The following FASTKD1 variants were observed in gnomAD, a reference collection of about 807,000 sequenced individuals.
The protein encoded by FASTKD1 is FAST kinase domains 1, also known as FAST kinase domain-containing protein 1, mitochondrial.
A neutral mutation model predicts 90.9 loss-of-function variants in FASTKD1; 94 were observed. The observed-to-expected ratio is 1.03, with a 90% confidence interval of 0.88 to 1.23. The LOEUF is 1.23. Ranked by LOEUF, FASTKD1 falls within the 50% of genes most tolerant of loss-of-function variation. The pLI is 0.00. For missense variants in FASTKD1, 945 were observed against 993.5 expected, an observed-to-expected ratio of 0.95 and a Z score of 0.66; for synonymous variants, 319 against 345.8, an observed-to-expected ratio of 0.92 and a Z score of 0.86.
In FASTKD1 at chr2:169,529,529, A is replaced by G. The variant is rs528994726; in HGVS notation, c.*296T>C. On this transcript the variant is annotated 3_prime_UTR_variant, in exon 15 of 15. Coordinates refer to ENST00000453153, the MANE Select transcript of FASTKD1 (RefSeq NM_024622.6). ...CTCAACAAGGTAGCCAAAGTAACGC[A>G]GTTAAAATGTGAATTCATATCATTC... 1.3e-5 allele frequency among the ~76,000 whole-genome samples: 2 copies of G among 152,330 alleles called. No individual in the cohort carries two copies. Among genetic ancestry groups the G allele is most frequent in the South Asian group, 4.1e-4 (2 of 4,824 alleles).
In FASTKD1 at chr2:169,561,978, CATTA is replaced by C. The variant is rs1559157244; in HGVS notation, c.573-1197_573-1194del. On this transcript the variant is annotated intron_variant, in intron 4 of 14. Coordinates refer to ENST00000453153, the MANE Select transcript of FASTKD1 (RefSeq NM_024622.6). ...ATTAATTTATTGTAAATTAATTATT[CATTA>C]ATTTATTGTAAATTAATTATTCATT... Among the ~76,000 whole-genome samples the C allele has an allele frequency of 2.7e-5, 2 of 73,306 alleles. 1 individual carries two copies. Among genetic ancestry groups the C allele is most frequent in the African/African-American group, 9.9e-5 (2 of 20,212 alleles). 48.1% of individuals were successfully genotyped at this position (73,306 alleles called of 152,430 possible). A position where few individuals can be genotyped will look rare whatever the true frequency, so the allele number is the denominator to read the frequency against.
chr2:169,542,428 AG>A (rs751987409), intron 9 of FASTKD1, among the ~76,000 whole-genome samples: 1 of 152,268 alleles, frequency 6.6e-6, no homozygotes, highest in South Asian at 2.1e-4. Flanking sequence ...AACACAACTC[AG>A]GACCCAAAAT....
chr2:169,572,144 A>G lies in FASTKD1; in HGVS notation c.-115T>C, dbSNP rs1684263427. 1 of 1,249,776 alleles carries G rather than the reference A, an allele frequency of 8.0e-7. No individual in the cohort carries two copies. The allele number at this position is 1,249,776 out of a possible 1,614,324, so 77.4% of individuals were successfully genotyped here. A position where few individuals can be genotyped will look rare whatever the true frequency, so the allele number is the denominator to read the frequency against. ...CATGTATTTTGCTTCCATTACAATG[A>G]CTGTAAACGCATTCCAATGTACAGC... On this transcript the variant is annotated 5_prime_UTR_variant, in exon 2 of 15. Coordinates refer to ENST00000453153, the MANE Select transcript of FASTKD1 (RefSeq NM_024622.6).
chr2:169,553,104 G>A (rs958539156), intron 7 of FASTKD1, among the ~76,000 whole-genome samples: 1 of 151,924 alleles, frequency 6.6e-6, no homozygotes, highest in Non-Finnish European at 1.5e-5. Flanking sequence ...CTACTTGGGA[G>A]GCTGACAGGA....
At chr2:169,540,410 C>T (rs1223284221) in intron 9 of FASTKD1, among the ~76,000 whole-genome samples, 5 of 152,132 alleles carry the variant, frequency 3.3e-5, no homozygotes, top group African/African-American at 1.2e-4. Flanking sequence ...GTGTCTTGAT[C>T]TCAGTACTGA....
At chr2:169,541,544 CTG>C (rs1364241459) in intron 9 of FASTKD1, among the ~76,000 whole-genome samples, 1 of 152,142 alleles carries the variant, frequency 6.6e-6, no homozygotes, top group African/African-American at 2.4e-5. Flanking sequence ...ACGTTGTAGG[CTG>C]TGACACAGTA....
rs1207706358 is a variant in FASTKD1 at position 169,544,759 on chromosome 2, A to G, written c.1778T>C (p.Phe593Ser). The G allele has an allele frequency of 6.2e-7, 1 of 1,612,048 alleles. No homozygotes were observed. The highest frequency in any genetic ancestry group is 1.7e-5 in the Admixed American group (1 of 59,904). The change falls in exon 9 of 15, where the codon TTT (phenylalanine) becomes TCT (serine). Residue 593 changes from phenylalanine (F) to serine (S), a missense_variant. Transcript: ENST00000453153. ...LNYDPPQRDEFLGTCVQHLNS... is the reference protein window; with the variant it reads ...LNYDPPQRDESLGTCVQHLNS... ...AAGATGTTGCACGCAAGTTCCCAAA[A>G]ATTCATCCCTTTGAGGTGGATCATA... is the stretch of plus-strand genomic sequence containing the variant.
intron 3 of FASTKD1, among the ~76,000 whole-genome samples, chr2:169,564,664 T>C (rs2105428185): frequency 6.6e-6 from 1 of 152,194 alleles, no homozygotes; most frequent in South Asian, 2.1e-4. Flanking sequence ...ATAGTAGGTC[T>C]TATTCATTTT....
At chr2:169,546,060 C>T (rs763210700) in intron 8 of FASTKD1, among the ~76,000 whole-genome samples, 158 bp downstream of exon 8, 2 of 152,112 alleles carry the variant, frequency 1.3e-5, no homozygotes, top group African/African-American at 2.4e-5. Flanking sequence ...GCCTCCCAAC[C>T]GCTGGAATTA....
intron 12 of FASTKD1, chr2:169,531,754 C>T: frequency 3.2e-6 from 1 of 316,122 alleles, no homozygotes; most frequent in Non-Finnish European, 5.8e-6. Context: ...CTGGGCTAGG[C>T]CAAATCACAT....
chr2:169,536,341 C>T (rs1028794605), intron 12 of FASTKD1, among the ~76,000 whole-genome samples: 5 of 152,098 alleles, frequency 3.3e-5, no homozygotes, highest in Non-Finnish European at 5.9e-5. Context: ...AGATCCTTCA[C>T]TATCTGTCCT....
chr2:169,570,635 C>T (rs1288197925), intron 2 of FASTKD1, among the ~76,000 whole-genome samples: 1 of 151,352 alleles, frequency 6.6e-6, no homozygotes, highest in African/African-American at 2.4e-5. Flanking sequence ...CAAGTTATCA[C>T]AGACAAAATT....
rs750489337 is a variant in FASTKD1 at position 169,546,422 on chromosome 2, C to T, written c.1497G>A (p.Leu499=). 1.2e-6 allele frequency: 2 copies of T among 1,614,162 alleles called. No individual in the cohort carries two copies. The highest frequency in any genetic ancestry group is 2.2e-5 in the South Asian group (2 of 91,078). The change falls in exon 8 of 15, where the codon CTG becomes CTA. Residue 499 remains leucine, a synonymous_variant. Coordinates refer to ENST00000453153, the MANE Select transcript of FASTKD1 (RefSeq NM_024622.6). ...TGAGAGATTTAAGTTCCTTCCGTAA[C>T]AGATCCAAACTGTTGCTGTGTTGTA... The part of the protein sequence containing the change: ...QRLQHSNSLD[L]LRKELKSLKG...
chr2:169,572,117 T>C lies in FASTKD1; in HGVS notation c.-88A>G. 6.8e-7 allele frequency: 1 copy of C among 1,463,786 alleles called. No homozygotes were observed. Among genetic ancestry groups the C allele is most frequent in the Non-Finnish European group, 9.1e-7 (1 of 1,104,660 alleles). 90.7% of individuals were successfully genotyped at this position (1,463,786 alleles called of 1,614,324 possible). A position where few individuals can be genotyped will look rare whatever the true frequency, so the allele number is the denominator to read the frequency against. On this transcript the variant is annotated 5_prime_UTR_variant, in exon 2 of 15. Coordinates refer to ENST00000453153, the MANE Select transcript of FASTKD1 (RefSeq NM_024622.6). Reference sequence around the variant, plus strand: ...CAGGGATACAAATAACAGTTTTTCCTTCATGTATTTTGCTTCCATTACAAT... The same window carrying C: ...CAGGGATACAAATAACAGTTTTTCCCTCATGTATTTTGCTTCCATTACAAT...
intron 7 of FASTKD1, among the ~76,000 whole-genome samples, chr2:169,551,818 G>A (rs1373113834): frequency 6.6e-6 from 1 of 152,070 alleles, no homozygotes; most frequent in African/African-American, 2.4e-5. Context: ...TCATACTAAT[G>A]ATTCCATTTA....
chr2:169,549,473 A>AT (rs1559147866), intron 7 of FASTKD1, among the ~76,000 whole-genome samples: 1 of 152,084 alleles, frequency 6.6e-6, no homozygotes, highest in African/African-American at 2.4e-5. Context: ...TTTTAAATTA[A>AT]TTTTTTTCTG....
chr2:169,560,700 AAAG>A lies in FASTKD1; in HGVS notation c.655_657del (p.Leu219del), dbSNP rs757208851. ...ACCTCAGAAGAATCTATGGTGTCAA[AAAG>A]AAGTTCTGTTTTGTTCACCAGTTGT... On this transcript the variant is annotated inframe_deletion, in exon 5 of 15. Coordinates refer to ENST00000453153, the MANE Select transcript of FASTKD1 (RefSeq NM_024622.6). The A allele has an allele frequency of 2.5e-6, 4 of 1,610,864 alleles. No homozygotes were observed. Among genetic ancestry groups the A allele is most frequent in the Non-Finnish European group, 2.5e-6 (3 of 1,179,090 alleles).
intron 3 of FASTKD1, among the ~76,000 whole-genome samples, chr2:169,565,870 A>G (rs1266312554): frequency 6.6e-6 from 1 of 152,130 alleles, no homozygotes; most frequent in Non-Finnish European, 1.5e-5. Context: ...TGTCTTTTGG[A>G]TATAAGCCAT....
intron 2 of FASTKD1, among the ~76,000 whole-genome samples, chr2:169,570,758 C>T (rs940199585): frequency 1.3e-5 from 2 of 151,482 alleles, no homozygotes; most frequent in African/African-American, 2.4e-5. Flanking sequence ...TCACTGCAAC[C>T]TCTACCACGT....
Sources: allele counts gnomAD v4.1 joint callset (sites outside exome capture counted in the v4.1 genomes callset), GRCh38; gene constraint gnomAD v4.1.1; transcripts MANE v1.5; gene names NCBI Gene and HGNC (gene_info 2026-07-23, HGNC 2026-07-21).